COMMD1: variants seen among roughly 807,000 people sequenced by gnomAD.
COMMD1 encodes COMM domain-containing protein 1.
Under a neutral mutation model 17.2 loss-of-function variants are expected in COMMD1, and 10 were observed. The ratio of observed to expected loss-of-function variants is 0.58; its 90% CI spans 0.36 to 0.99. The LOEUF (loss-of-function observed/expected upper bound fraction) is 0.99, where lower values mean the gene tolerates loss of function less well. Ranked by LOEUF, COMMD1 falls within the 50% of genes least tolerant of loss-of-function variation. The pLI is 0.01. For missense variants in COMMD1, 270 were observed against 231.8 expected (o/e 1.17, Z -1.07); for synonymous variants, 97 against 91.6 (o/e 1.06, Z -0.34).
chr2:61,890,886 C>G (rs1379636836), intron 1 of COMMD1, among the ~76,000 whole-genome samples: 1 of 151,310 alleles, frequency 6.6e-6, no homozygotes, highest in Non-Finnish European at 1.5e-5. Context: ...ATCCATAAAC[C>G]TCTGAGGCCG....
chr2:61,933,494 G>A (rs529159234), intron 1 of COMMD1, among the ~76,000 whole-genome samples: 10 of 152,030 alleles, frequency 6.6e-5, no homozygotes, highest in Admixed American at 1.3e-4. Flanking sequence ...GGGTTTAGCC[G>A]GAGCCCAGCC....
At chr2:62,133,401 C>T (rs1422805825) in intron 2 of COMMD1, among the ~76,000 whole-genome samples, 1 of 152,004 alleles carries the variant, frequency 6.6e-6, no homozygotes, top group Admixed American at 6.6e-5. Context: ...GCCATAGTAT[C>T]GTAGGGGACG....
chr2:61,961,088 G>T (rs1671331185), intron 1 of COMMD1, among the ~76,000 whole-genome samples: 1 of 152,222 alleles, frequency 6.6e-6, no homozygotes, highest in South Asian at 2.1e-4. Context: ...CCACGTTGGA[G>T]CACCAAATTG....
At chr2:62,067,408 T>C (rs1205351221) in intron 2 of COMMD1, among the ~76,000 whole-genome samples, 1 of 152,212 alleles carries the variant, frequency 6.6e-6, no homozygotes, top group Non-Finnish European at 1.5e-5. Context: ...TCTTTAACAC[T>C]CTTTTGTTGT....
chr2:61,889,470 C>A (rs182925928), intron 1 of COMMD1, among the ~76,000 whole-genome samples: 3 of 152,216 alleles, frequency 2.0e-5, no homozygotes, highest in Admixed American at 1.3e-4. Flanking sequence ...CTCAGCGTTT[C>A]AAAGTACTGG....
rs150374751 is a variant in COMMD1, at chr2:61,924,367, T to C, written c.180+18509T>C. Among the ~76,000 whole-genome samples, 707 of 118,980 alleles carry C rather than the reference T, an allele frequency of 5.9e-3. 8 individuals are homozygous for C. The highest frequency in any genetic ancestry group is 0.02 in the African/African-American group (631 of 31,504). 78.1% of individuals were successfully genotyped at this position (118,980 alleles called of 152,430 possible). A position where few individuals can be genotyped will look rare whatever the true frequency, so the allele number is the denominator to read the frequency against. On this transcript the variant is annotated intron_variant, in intron 1 of 2. Transcript: ENST00000311832. ...AGTAAGGGGTGGTGGTAGGGAGGAC[T>C]CAGAGTCGGAGGGGGGATGGTTGGA...
chr2:61,983,336 C>T (rs963769683), intron 1 of COMMD1, among the ~76,000 whole-genome samples: 2 of 151,788 alleles, frequency 1.3e-5, no homozygotes, highest in East Asian at 3.9e-4. Flanking sequence ...ACTACAGGCA[C>T]GTGCCACCAC....
chr2:62,046,495 A>G (rs1193272761), intron 2 of COMMD1, among the ~76,000 whole-genome samples: 1 of 152,196 alleles, frequency 6.6e-6, no homozygotes, highest in Non-Finnish European at 1.5e-5. Flanking sequence ...TTGTAAGAGA[A>G]TTGGGATTTG....
chr2:62,070,621 A>G (rs998800285), intron 2 of COMMD1, among the ~76,000 whole-genome samples: 2 of 152,058 alleles, frequency 1.3e-5, no homozygotes, highest in South Asian at 4.2e-4. Flanking sequence ...AAACCCATGT[A>G]TATGTGTTAC....
At chr2:62,026,490 C>A (rs1188207851) in intron 2 of COMMD1, among the ~76,000 whole-genome samples, 1 of 152,144 alleles carries the variant, frequency 6.6e-6, no homozygotes, top group Non-Finnish European at 1.5e-5. Context: ...CAAACACCTC[C>A]CACCATGCCC....
intron 2 of COMMD1, among the ~76,000 whole-genome samples, chr2:62,097,638 A>G (rs923268541): frequency 1.3e-5 from 2 of 152,190 alleles, no homozygotes; most frequent in African/African-American, 4.8e-5. Flanking sequence ...TATCTACTAT[A>G]AGAAAAAGGT....
At chr2:62,099,679 C>A (rs763828721) in intron 2 of COMMD1, among the ~76,000 whole-genome samples, 3 of 151,862 alleles carry the variant, frequency 2.0e-5, no homozygotes, top group Non-Finnish European at 4.4e-5. Flanking sequence ...AACACTGAGT[C>A]GTTTCTACCC....
chr2:61,924,351 T>G (rs1572966682), intron 1 of COMMD1, among the ~76,000 whole-genome samples: 2 of 105,800 alleles, frequency 1.9e-5, no homozygotes, highest in Non-Finnish European at 1.9e-5. Context: ...GAGTAAGGGG[T>G]GGTGGTAGGG....
At chr2:61,987,326 C>T (rs934050379) in intron 1 of COMMD1, among the ~76,000 whole-genome samples, 5 of 152,092 alleles carry the variant, frequency 3.3e-5, no homozygotes, top group African/African-American at 1.2e-4. Context: ...TTTTACTCAT[C>T]CTCTTTGGGA....
intron 2 of COMMD1, among the ~76,000 whole-genome samples, chr2:62,084,555 A>T (rs755365951): frequency 6.6e-6 from 1 of 152,086 alleles, no homozygotes; most frequent in Non-Finnish European, 1.5e-5. Flanking sequence ...GTGTAAATGG[A>T]CCCATGCAGT....
At chr2:62,014,839 A>G (rs1669391471) in intron 2 of COMMD1, among the ~76,000 whole-genome samples, 1 of 152,020 alleles carries the variant, frequency 6.6e-6, no homozygotes, top group Non-Finnish European at 1.5e-5. Flanking sequence ...TGCTGGGATT[A>G]CAGGTGTGAG....
At chr2:62,036,730 C>T (rs937128550) in intron 2 of COMMD1, among the ~76,000 whole-genome samples, 17 of 152,288 alleles carry the variant, frequency 1.1e-4, no homozygotes, top group Middle Eastern at 3.4e-3. Flanking sequence ...TGGTTGTATA[C>T]ATAGACCATC....
At chr2:61,975,204 T>C (rs1341840784) in intron 1 of COMMD1, among the ~76,000 whole-genome samples, 1 of 151,420 alleles carries the variant, frequency 6.6e-6, no homozygotes, top group Non-Finnish European at 1.5e-5. Flanking sequence ...CATTTCTTTT[T>C]AGTACTAAAT....
intron 2 of COMMD1, among the ~76,000 whole-genome samples, chr2:62,042,318 C>T (rs1165586635): frequency 6.6e-6 from 1 of 152,120 alleles, no homozygotes; most frequent in Non-Finnish European, 1.5e-5. Flanking sequence ...AAACCTTTTG[C>T]TAGACACTGA....
Sources: gnomAD v4.1 joint callset for allele counts (sites outside exome capture counted in the v4.1 genomes callset) on GRCh38, gnomAD v4.1.1 for gene constraint, MANE v1.5 for transcripts, NCBI Gene and HGNC (gene_info 2026-07-23, HGNC 2026-07-21) for gene names.